Variants in PCDHA10 observed in about 807,000 individuals in gnomAD.
PCDHA10 encodes protocadherin alpha 10, also known as protocadherin alpha-10.
In PCDHA10, 45 loss-of-function variants were observed where a neutral mutation model predicts 61.2. The ratio of observed to expected loss-of-function variants is 0.74; its 90% CI spans 0.58 to 0.94. The LOEUF (loss-of-function observed/expected upper bound fraction) is 0.94, where lower values mean the gene tolerates loss of function less well. Among genes scored for constraint, PCDHA10 ranks in the 40% least tolerant of loss-of-function variants. The pLI is 0.00. For synonymous variants in PCDHA10, 602 were observed against 548.8 expected, an observed-to-expected ratio of 1.10 and a Z score of -1.35; for missense variants, 1,278 against 1,236.2, an observed-to-expected ratio of 1.03 and a Z score of -0.51.
chr5:140,870,655 G>A (rs1554164527), intron 1 of PCDHA10: 1 of 1,612,540 alleles, frequency 6.2e-7, no homozygotes, highest in Non-Finnish European at 8.5e-7. Context: ...CAAGGTGTAC[G>A]CGCTGCAGCC....
At chr5:140,915,825 C>T (rs1272581051) in intron 1 of PCDHA10, among the ~76,000 whole-genome samples, 1 of 152,118 alleles carries the variant, frequency 6.6e-6, no homozygotes, top group Non-Finnish European at 1.5e-5. Flanking sequence ...GGCCCTAGGG[C>T]TCTAAGATCA....
At chr5:140,950,073 G>T (rs2094447306) in intron 1 of PCDHA10, among the ~76,000 whole-genome samples, 1 of 151,672 alleles carries the variant, frequency 6.6e-6, no homozygotes, top group Non-Finnish European at 1.5e-5. Flanking sequence ...CTGTGCCATT[G>T]CTTATGCTAT....
intron 1 of PCDHA10, among the ~76,000 whole-genome samples, chr5:140,916,255 C>G (rs1161014900): frequency 6.6e-6 from 1 of 152,144 alleles, no homozygotes. Context: ...ACTTGGGGAC[C>G]CCAAGAGCAT....
rs1582078645 is a variant in PCDHA10, at chr5:140,872,401, A to G, written c.2388+13965A>G. Among the ~76,000 whole-genome samples the G allele has an allele frequency of 2.0e-5, 3 of 152,246 alleles. No homozygotes were observed. In the East Asian group the frequency reaches 5.8e-4, roughly 29 times the overall value. ...CAGCTATTTGGGAGGCTGAGGCAGG[A>G]GAATTGCTTGAGCCCAAGAGTTCGA... On this transcript the variant is annotated intron_variant, in intron 1 of 3. Transcript: ENST00000307360.
intron 1 of PCDHA10, among the ~76,000 whole-genome samples, chr5:140,904,268 A>G (rs989389819): frequency 1.3e-5 from 2 of 152,004 alleles, no homozygotes; most frequent in African/African-American, 4.8e-5. Context: ...CCACTTATGA[A>G]TGAGAACATG....
chr5:140,913,462 G>A (rs1300773586), intron 1 of PCDHA10, among the ~76,000 whole-genome samples: 1 of 151,764 alleles, frequency 6.6e-6, no homozygotes, highest in African/African-American at 2.4e-5. Context: ...TTATTTACTT[G>A]GGTCTTCTCT....
chr5:140,941,175 C>G (rs1344326389), intron 1 of PCDHA10, among the ~76,000 whole-genome samples: 1 of 145,416 alleles, frequency 6.9e-6, no homozygotes, highest in Admixed American at 6.8e-5. Flanking sequence ...CCATCTTGAA[C>G]ATCCTGCTTC....
chr5:140,880,318 A>G (rs2058303482), intron 1 of PCDHA10, among the ~76,000 whole-genome samples: 1 of 152,268 alleles, frequency 6.6e-6, no homozygotes, highest in Admixed American at 6.5e-5. Context: ...CAAGTAAAAA[A>G]TAAGATACTA....
rs782769711 is a variant in PCDHA10, at chr5:140,857,323, C to T, written c.1275C>T (p.Thr425=). ...ERVSAYELVV[T]ARDGGSPPLW... ...TGTCGGCCTATGAGCTGGTGGTGAC[C>T]GCGCGGGACGGGGGCTCGCCTCCGC... Residue 425 remains threonine (T), a synonymous_variant, in exon 1 of 4, where the codon ACC becomes ACT. Coordinates refer to ENST00000307360, the MANE Select transcript of PCDHA10 (RefSeq NM_018901.4). The T allele has an allele frequency of 2.5e-6, 4 of 1,598,498 alleles. 1 individual carries two copies. Among genetic ancestry groups the T allele is most frequent in the Admixed American group, 1.7e-5 (1 of 59,312 alleles).
intron 1 of PCDHA10, chr5:140,882,692 A>G (rs998224514): frequency 6.2e-7 from 1 of 1,614,204 alleles, no homozygotes; most frequent in South Asian, 1.1e-5. Context: ...ACGAATAATC[A>G]TTGCAGAATC....
In PCDHA10 at chr5:141,010,929, T is replaced by G. The variant is rs782088449; in HGVS notation, c.*992T>G. 1 of 153,778 alleles carries G rather than the reference T, an allele frequency of 6.5e-6. No homozygotes were observed. Among genetic ancestry groups the G allele is most frequent in the Non-Finnish European group, 1.5e-5 (1 of 68,048 alleles). 9.5% of individuals were successfully genotyped at this position (153,778 alleles called of 1,614,324 possible). A position where few individuals can be genotyped will look rare whatever the true frequency, so the allele number is the denominator to read the frequency against. ...AAACTCTCCTCAAAAGAGAATTCAG[T>G]CTACAGCCATTTAAATGATCATTGC... On this transcript the variant is annotated 3_prime_UTR_variant, in exon 4 of 4. Transcript: ENST00000307360.
intron 3 of PCDHA10, among the ~76,000 whole-genome samples, chr5:141,007,850 C>A (rs1299909821): frequency 6.6e-6 from 1 of 152,156 alleles, no homozygotes; most frequent in Non-Finnish European, 1.5e-5. Context: ...GACTCAAAGT[C>A]CTTAAAGGTC....
chr5:140,961,236 T>G (rs246004), intron 1 of PCDHA10, among the ~76,000 whole-genome samples: 1 of 151,942 alleles, frequency 6.6e-6, no homozygotes, highest in African/African-American at 2.4e-5. Context: ...AAAAAGGTGA[T>G]GGAATTTATC....
intron 1 of PCDHA10, chr5:140,861,891 C>T (rs2047126506): frequency 6.5e-6 from 1 of 154,838 alleles, no homozygotes; most frequent in African/African-American, 2.4e-5. Flanking sequence ...CTGACAGGCA[C>T]CAAAGCATTA....
At position 140,857,333 on chromosome 5, in the gene PCDHA10, G is replaced by C. The variant is rs200210897; in HGVS notation, c.1285G>C (p.Gly429Arg). Residue 429 changes from glycine (G) to arginine (R), a missense_variant, in exon 1 of 4, where the codon GGG (glycine) becomes CGG (arginine). Physicochemically the swap from Gly to Arg is moderately radical, Grantham distance 125. Coordinates refer to ENST00000307360, the MANE Select transcript of PCDHA10 (RefSeq NM_018901.4). ...AYELVVTARD[G>R]GSPPLWATAS... Reference sequence around the variant, plus strand: ...TGAGCTGGTGGTGACCGCGCGGGACGGGGGCTCGCCTCCGCTGTGGGCCAC... The same window carrying C: ...TGAGCTGGTGGTGACCGCGCGGGACCGGGGCTCGCCTCCGCTGTGGGCCAC... 1.4e-4 allele frequency: 230 copies of C among 1,598,472 alleles called. 32 individuals are homozygous for C. The highest frequency in any genetic ancestry group is 1.8e-4 in the Non-Finnish European group (207 of 1,167,970).
Position 140,982,581 on chromosome 5 carries a change from C to T in PCDHA10, c.2536+18C>T, listed in dbSNP as rs782060139. On this transcript the variant is annotated intron_variant, in intron 3 of 3. Transcript: ENST00000307360. ...AACACCAGGTAAAGAGCTGGGGTCT[C>T]TCCATTCTTTCTTGGTTTCTGGAAA... 9 of 1,612,098 alleles carry T rather than the reference C, an allele frequency of 5.6e-6. No individual in the cohort carries two copies. The highest frequency in any genetic ancestry group is 4.0e-5 in the African/African-American group (3 of 74,892).
At chr5:140,938,125 A>G (rs1339364898) in intron 1 of PCDHA10, among the ~76,000 whole-genome samples, 1 of 152,120 alleles carries the variant, frequency 6.6e-6, no homozygotes, top group Admixed American at 6.5e-5. Context: ...TTTTTTAAAA[A>G]AATAGAGATA....
At chr5:140,978,896 G>T in intron 1 of PCDHA10, 53 bp from the exon 2 acceptor site, 1 of 1,612,808 alleles carries the variant, frequency 6.2e-7, no homozygotes, top group South Asian at 1.1e-5. Context: ...CAGCATTCCT[G>T]GGAGAACATT....
intron 1 of PCDHA10, among the ~76,000 whole-genome samples, chr5:140,956,132 C>G (rs782171826): frequency 2.6e-5 from 4 of 152,028 alleles, no homozygotes; most frequent in Admixed American, 6.6e-5. Context: ...ATTTGAATAC[C>G]CTTTATTTCT....
Sources: allele counts gnomAD v4.1 joint callset (sites outside exome capture counted in the v4.1 genomes callset), GRCh38; gene constraint gnomAD v4.1.1; transcripts MANE v1.5; gene names NCBI Gene and HGNC (gene_info 2026-07-23, HGNC 2026-07-21).